The following TMEM87B variants were observed in gnomAD, a reference collection of about 807,000 sequenced individuals.
TMEM87B encodes transmembrane protein 87B.
A neutral mutation model predicts 80.3 loss-of-function variants in TMEM87B; 83 were observed. That is an observed-to-expected ratio of 1.03 (90% CI 0.87 to 1.24). The LOEUF is 1.24. Ranked by LOEUF, TMEM87B falls within the 50% of genes most tolerant of loss-of-function variation. The pLI is 0.00. For synonymous variants in TMEM87B, 219 were observed against 230.5 expected (o/e 0.95, Z 0.45); for missense variants, 625 against 674.4 (o/e 0.93, Z 0.81).
intron 9 of TMEM87B, among the ~76,000 whole-genome samples, 154 bp from the exon 10 acceptor site, chr2:112,089,471 G>A (rs1371045830): frequency 3.9e-5 from 6 of 152,228 alleles, no homozygotes; most frequent in African/African-American, 1.2e-4. Context: ...TCCTGGGCCT[G>A]TTTCCTAAAA....
At chr2:112,077,724 A>C (rs1360377015) in intron 6 of TMEM87B, among the ~76,000 whole-genome samples, 2 of 152,222 alleles carry the variant, frequency 1.3e-5, no homozygotes, top group Non-Finnish European at 2.9e-5. Context: ...GAGTAGAAGC[A>C]GCATATCTGC....
At chr2:112,057,928 G>A (rs9308666) in intron 1 of TMEM87B, among the ~76,000 whole-genome samples, 108,571 of 151,238 alleles carry the variant, frequency 0.72, 39,333 homozygotes, top group East Asian at 0.91. Flanking sequence ...CCCGGGTTCA[G>A]GGGATTCTCC....
chr2:112,066,767 A>G (rs1423067810), intron 3 of TMEM87B, among the ~76,000 whole-genome samples, 169 bp from the exon 4 acceptor site: 2 of 152,344 alleles, frequency 1.3e-5, no homozygotes, highest in Admixed American at 6.5e-5. Flanking sequence ...TCTCAATTAT[A>G]TTAAAATTAT....
At position 112,067,070 on chromosome 2, in the gene TMEM87B, G is replaced by A. The variant is rs1264363514; in HGVS notation, c.450+3G>A. 1 of 1,609,382 alleles carries A rather than the reference G, an allele frequency of 6.2e-7. No homozygotes were observed. Among genetic ancestry groups the A allele is most frequent in the Non-Finnish European group, 8.5e-7 (1 of 1,178,714 alleles). ...CACAGGTGTTTCCCTCTTTGAATGT[G>A]AGTATCTGACTTGCCATGTTAAAGT... On this transcript the variant is annotated splice_donor_region_variant and intron_variant, in intron 4 of 18. Transcript: ENST00000283206.
chr2:112,079,038 T>C (rs1207119434), intron 6 of TMEM87B, among the ~76,000 whole-genome samples: 1 of 152,226 alleles, frequency 6.6e-6, no homozygotes. Flanking sequence ...AGTAATGTTA[T>C]AATCTATAAA....
intron 8 of TMEM87B, among the ~76,000 whole-genome samples, chr2:112,083,139 G>A (rs759997039): frequency 5.3e-5 from 8 of 152,206 alleles, no homozygotes; most frequent in Non-Finnish European, 8.8e-5. Flanking sequence ...GACCCGACGT[G>A]GGTATGTTAA....
chr2:112,071,363 G>A (rs1042031665), intron 4 of TMEM87B, among the ~76,000 whole-genome samples: 28 of 144,620 alleles, frequency 1.9e-4, no homozygotes, highest in African/African-American at 4.4e-4. Context: ...GTGCAATGGC[G>A]CAGTCTCTGC....
In TMEM87B at chr2:112,116,344, A is replaced by T. The variant is rs369601456; in HGVS notation, c.*201A>T. On this transcript the variant is annotated 3_prime_UTR_variant, in exon 19 of 19. Transcript: ENST00000283206. ...TTGAGTGTCAGTTGAATATCCATTA[A>T]ATTGGATTTGGAAATAACCTGAGGA... The T allele has an allele frequency of 6.8e-5, 35 of 511,298 alleles. 2 individuals carry two copies. The South Asian group carries it at 9.9e-4, about 15-fold the overall frequency. 31.7% of individuals were successfully genotyped at this position (511,298 alleles called of 1,614,324 possible). A position where few individuals can be genotyped will look rare whatever the true frequency, so the allele number is the denominator to read the frequency against.
chr2:112,082,690 G>A (rs781145033), intron 8 of TMEM87B, among the ~76,000 whole-genome samples: 25 of 152,116 alleles, frequency 1.6e-4, no homozygotes, highest in African/African-American at 2.9e-4. Context: ...GTGCGTGTGC[G>A]TGCATGTGTG....
chr2:112,077,250 C>T lies in TMEM87B; in HGVS notation c.560C>T (p.Thr187Met), dbSNP rs201189668. 650 of 1,593,548 alleles carry T rather than the reference C, an allele frequency of 4.1e-4. 1 individual carries two copies. Among genetic ancestry groups the T allele is most frequent in the South Asian group, 6.1e-4 (53 of 87,142 alleles). The change falls in exon 6 of 19, where the codon ACG becomes ATG. Residue 187 changes from threonine (T) to methionine (M), a missense_variant. Thr to Met is a moderately conservative substitution (Grantham distance 81, BLOSUM62 -1). Coordinates refer to ENST00000283206, the MANE Select transcript of TMEM87B (RefSeq NM_032824.3). ...GFHIFIVSIKTENTDASWNLN... is the reference protein window; with the variant it reads ...GFHIFIVSIKMENTDASWNLN... ...CATATCTTTATTGTTTCTATTAAAACGGAGAATACAGATGCAAGCTGGAAT... is the reference window on the plus strand; with the variant it reads ...CATATCTTTATTGTTTCTATTAAAATGGAGAATACAGATGCAAGCTGGAAT...
chr2:112,075,099 T>G, intron 5 of TMEM87B, 137 bp downstream of exon 5: 1 of 1,363,606 alleles, frequency 7.3e-7, no homozygotes, highest in Non-Finnish European at 9.6e-7. Context: ...GAAACATTAT[T>G]TAAAACCGTA....
chr2:112,055,624 C>G lies in TMEM87B; in HGVS notation c.33C>G (p.Leu11=). Residue 11 remains leucine (L), a synonymous_variant, in exon 1 of 19, where the codon CTC becomes CTG. Transcript: ENST00000283206. ...CCGCCTGCCGCTCGGTAGCCGGGCT[C>G]CTGCCACGCCGCCGCCGCTGCTTTC... MVAACRSVAG[L]LPRRRRCFPA... 1 of 1,543,726 alleles carries G rather than the reference C, an allele frequency of 6.5e-7. No homozygotes were observed. The highest frequency in any genetic ancestry group is 2.5e-5 in the East Asian group (1 of 39,362).
intron 1 of TMEM87B, among the ~76,000 whole-genome samples, chr2:112,058,463 G>A (rs1678149790): frequency 6.6e-6 from 1 of 152,232 alleles, no homozygotes; most frequent in African/African-American, 2.4e-5. Context: ...AGCTTACTCT[G>A]CATACATTCT....
intron 4 of TMEM87B, among the ~76,000 whole-genome samples, chr2:112,073,147 G>A (rs545110725): frequency 5.9e-5 from 9 of 152,072 alleles, no homozygotes; most frequent in South Asian, 2.1e-4. Flanking sequence ...TGATCCACCC[G>A]CCTCAGCCTC....
chr2:112,115,949 A>T (rs1190475936), intron 18 of TMEM87B, 135 bp from the exon 19 acceptor site: 3 of 646,992 alleles, frequency 4.6e-6, no homozygotes, highest in African/African-American at 3.7e-5. Flanking sequence ...TATTTTCTGT[A>T]TGTAATATTT....
At chr2:112,084,068 A>T (rs962878665) in intron 8 of TMEM87B, among the ~76,000 whole-genome samples, 1 of 152,222 alleles carries the variant, frequency 6.6e-6, no homozygotes, top group Non-Finnish European at 1.5e-5. Context: ...AGCAAACTCA[A>T]CATAGGCAAT....
chr2:112,074,946 AC>A lies in TMEM87B; in HGVS notation c.487del (p.Gln163ArgfsTer8). 1 of 1,564,964 alleles carries A rather than the reference AC, an allele frequency of 6.4e-7. No homozygotes were observed. Among genetic ancestry groups the A allele is most frequent in the Non-Finnish European group, 8.7e-7 (1 of 1,149,682 alleles). On this transcript the variant is annotated frameshift_variant, in exon 5 of 19. Transcript: ENST00000283206. LOFTEE classifies it high-confidence loss of function. ...KELINIRNVS[N>X]QERSMDVVAR... ...CTAATAAATATCAGAAATGTTTCAAACCAGGAAAGATCAATGGTAAGCAGTT... is the reference window on the plus strand; with the variant it reads ...CTAATAAATATCAGAAATGTTTCAAACAGGAAAGATCAATGGTAAGCAGTT...
intron 1 of TMEM87B, among the ~76,000 whole-genome samples, chr2:112,059,242 A>G (rs980780620): frequency 2.6e-5 from 4 of 152,160 alleles, no homozygotes; most frequent in African/African-American, 9.7e-5. Flanking sequence ...AAGACATTAA[A>G]CAACTAATCA....
At chr2:112,091,113 G>T (rs1262025327) in intron 10 of TMEM87B, among the ~76,000 whole-genome samples, 1 of 152,006 alleles carries the variant, frequency 6.6e-6, no homozygotes, top group Non-Finnish European at 1.5e-5. Context: ...TGTGGCACAC[G>T]CCTGTAATCC....
Sources: gnomAD v4.1 joint callset for allele counts (sites outside exome capture counted in the v4.1 genomes callset) on GRCh38, gnomAD v4.1.1 for gene constraint, MANE v1.5 for transcripts, NCBI Gene and HGNC (gene_info 2026-07-23, HGNC 2026-07-21) for gene names.